TNN: variants seen among roughly 807,000 people sequenced by gnomAD.
The protein encoded by TNN is tenascin-N.
A neutral mutation model predicts 134.4 loss-of-function variants in TNN; 122 were observed. The observed-to-expected ratio is 0.91, with a 90% CI of 0.78 to 1.06. The LOEUF (loss-of-function observed/expected upper bound fraction) is 1.06, where lower values mean the gene tolerates loss of function less well. Ranked by LOEUF, TNN falls within the 50% of genes least tolerant of loss-of-function variation. The pLI is 0.00. For missense variants in TNN, 1,739 were observed against 1,699.4 expected (o/e 1.02, Z -0.41); for synonymous variants, 710 against 670.3 (o/e 1.06, Z -0.91).
intron 18 of TNN, among the ~76,000 whole-genome samples, chr1:175,145,806 C>CCTGACT (rs1676052705): frequency 6.6e-6 from 1 of 152,020 alleles, no homozygotes; most frequent in Non-Finnish European, 1.5e-5. Context: ...AGTGCATCAT[C>CCTGACT]CTGACTCTTT....
At chr1:175,122,997 C>A (rs10912890) in intron 11 of TNN, among the ~76,000 whole-genome samples, 52,585 of 152,092 alleles carry the variant, frequency 0.35, 9,707 homozygotes, top group Non-Finnish European at 0.42. Flanking sequence ...CTCCATTCTC[C>A]TCCCCTTTTA....
chr1:175,127,909 A>T, intron 13 of TNN, 123 bp from the exon 14 acceptor site: 1 of 1,210,974 alleles, frequency 8.3e-7, no homozygotes, highest in Non-Finnish European at 1.2e-6. Context: ...GGCTTCGGAG[A>T]GACAAAACAC....
intron 17 of TNN, among the ~76,000 whole-genome samples, chr1:175,143,394 A>T (rs1675984256): frequency 6.6e-6 from 1 of 152,192 alleles, no homozygotes; most frequent in Non-Finnish European, 1.5e-5. Flanking sequence ...GAAAAATATG[A>T]TAGGGAAACA....
Position 175,102,324 on chromosome 1 carries a change from G to A in TNN, c.2119+3729G>A, listed in dbSNP as rs574270446. Among the ~76,000 whole-genome samples, 14 of 146,336 alleles carry A rather than the reference G, an allele frequency of 9.6e-5. 1 individual carries two copies. Among genetic ancestry groups the A allele is most frequent in the African/African-American group, 2.9e-4 (12 of 40,718 alleles). On this transcript the variant is annotated intron_variant, in intron 9 of 18. Coordinates refer to ENST00000239462, the MANE Select transcript of TNN (RefSeq NM_022093.2). ...TGTACTCCTCAGCCCTTGGGTAGTC[G>A]ACGGGACTGGGTGCCATGGAGCAGG...
rs1197762196 is a variant in TNN at position 175,077,425 on chromosome 1, C to A, written c.7C>A (p.Leu3Ile). 3 of 1,612,548 alleles carry A rather than the reference C, an allele frequency of 1.9e-6. No homozygotes were observed. Among genetic ancestry groups the A allele is most frequent in the East Asian group, 2.2e-5 (1 of 44,860 alleles). The change falls in exon 2 of 19, where the codon CTC (leucine) becomes ATC (isoleucine). Residue 3 changes from leucine to isoleucine, a missense_variant. By Grantham distance (5) the Leu-to-Ile change is conservative. Transcript: ENST00000239462. ...GCTCCCTGTCTTTCCAAGGATGAGT[C>A]TCCAGGAGATGTTCCGCTTCCCTAT... MSLQEMFRFPMGL... is the reference protein window; with the variant it reads MSIQEMFRFPMGL...
chr1:175,104,481 T>TA (rs1371995116), intron 9 of TNN, among the ~76,000 whole-genome samples: 2 of 145,916 alleles, frequency 1.4e-5, no homozygotes, highest in African/African-American at 2.5e-5. Context: ...CAATCTTTTT[T>TA]AAAGTGTCCT....
rs1558359673 is a variant in TNN at position 175,106,046 on chromosome 1, T to C, written c.2119+7451T>C. ...ACATGGAGGACCGAGGAAGGTCGGATTTAGTGGTCCTTACTGACGCATTCT... is the reference window on the plus strand; with the variant it reads ...ACATGGAGGACCGAGGAAGGTCGGACTTAGTGGTCCTTACTGACGCATTCT... On this transcript the variant is annotated intron_variant, in intron 9 of 18. Coordinates refer to ENST00000239462, the MANE Select transcript of TNN (RefSeq NM_022093.2). 2.7e-5 allele frequency among the ~76,000 whole-genome samples: 4 copies of C among 145,494 alleles called. 1 individual carries two copies. The South Asian group carries it at 9.2e-4, about 34-fold the overall frequency.
chr1:175,141,448 T>C (rs915544191), intron 17 of TNN, among the ~76,000 whole-genome samples: 1 of 151,982 alleles, frequency 6.6e-6, no homozygotes, highest in African/African-American at 2.4e-5. Flanking sequence ...ATTTAGTGGG[T>C]TGGGACCAGG....
chr1:175,103,156 G>A (rs61827444), intron 9 of TNN, among the ~76,000 whole-genome samples: 27,304 of 145,604 alleles, frequency 0.19, 5,281 homozygotes, highest in South Asian at 0.27. Context: ...GCCCAAAGGC[G>A]AGTAACAGCA....
chr1:175,127,143 C>G, intron 13 of TNN, 58 bp downstream of exon 13: 1 of 1,581,840 alleles, frequency 6.3e-7, no homozygotes, highest in Non-Finnish European at 8.6e-7. Context: ...AAGCAACTAA[C>G]TTGGGCCAAT....
chr1:175,146,665 C>G lies in TNN; in HGVS notation c.3760-266C>G, dbSNP rs571949320. Among the ~76,000 whole-genome samples, 124 of 152,138 alleles carry G rather than the reference C, an allele frequency of 8.2e-4. 1 individual carries two copies. Among genetic ancestry groups the G allele is most frequent in the Non-Finnish European group, 1.3e-3 (86 of 68,000 alleles). ...TCACCCAGCTCCCGGGCTCACACCCCCTTGCTCCCACCATAGAGACCGCCA... is the reference window on the plus strand; with the variant it reads ...TCACCCAGCTCCCGGGCTCACACCCGCTTGCTCCCACCATAGAGACCGCCA... On this transcript the variant is annotated intron_variant, in intron 18 of 18. Transcript: ENST00000239462.
At chr1:175,081,000 A>T (rs906929168) in intron 4 of TNN, among the ~76,000 whole-genome samples, 1 of 152,218 alleles carries the variant, frequency 6.6e-6, no homozygotes, top group South Asian at 2.1e-4. Context: ...TGTAGAAAAG[A>T]GCTGCCTGGT....
intron 8 of TNN, among the ~76,000 whole-genome samples, chr1:175,097,891 G>C (rs879280116): frequency 1.3e-5 from 2 of 152,220 alleles, no homozygotes; most frequent in Admixed American, 1.3e-4. Flanking sequence ...CCCACTGAAA[G>C]AGAGAAGTAA....
chr1:175,134,516 G>A (rs1437858719), intron 15 of TNN, among the ~76,000 whole-genome samples: 3 of 149,294 alleles, frequency 2.0e-5, no homozygotes, highest in African/African-American at 7.5e-5. Flanking sequence ...CTGCACTCCA[G>A]CCTGGGCAAC....
At chr1:175,134,583 A>T (rs1459108034) in intron 15 of TNN, among the ~76,000 whole-genome samples, 1 of 151,962 alleles carries the variant, frequency 6.6e-6, no homozygotes, top group African/African-American at 2.4e-5. Flanking sequence ...AAAATAAATA[A>T]ATAACAATAA....
At chr1:175,110,523 C>T (rs1674992311) in intron 9 of TNN, among the ~76,000 whole-genome samples, 1 of 152,116 alleles carries the variant, frequency 6.6e-6, no homozygotes, top group Non-Finnish European at 1.5e-5. Context: ...TTCTTTAATC[C>T]ACTTTAATTT....
intron 6 of TNN, among the ~76,000 whole-genome samples, chr1:175,089,977 C>T (rs147424786): frequency 2.8e-4 from 43 of 152,336 alleles, no homozygotes; most frequent in African/African-American, 9.6e-4. Context: ...TACACAGCCA[C>T]CAACACACAC....
At position 175,079,623 on chromosome 1, in the gene TNN, C is replaced by T; in HGVS notation, c.700C>T (p.Pro234Ser). 6.2e-7 allele frequency: 1 copy of T among 1,603,770 alleles called. No homozygotes were observed. The highest frequency in any genetic ancestry group is 8.5e-7 in the Non-Finnish European group (1 of 1,176,424). The change falls in exon 3 of 19, where the codon CCC becomes TCC. Residue 234 changes from proline to serine, a missense_variant. Transcript: ENST00000239462. ...MSEDCSEKRC[P>S]GDCSGHGFCD... Reference sequence around the variant, plus strand: ...GGAGGACTGCAGCGAGAAGCGCTGTCCCGGCGACTGCAGCGGCCACGGCTT... The same window carrying T: ...GGAGGACTGCAGCGAGAAGCGCTGTTCCGGCGACTGCAGCGGCCACGGCTT...
intron 11 of TNN, among the ~76,000 whole-genome samples, chr1:175,119,638 CTT>C (rs869293406): frequency 1.1e-4 from 15 of 131,520 alleles, no homozygotes; most frequent in Admixed American, 1.5e-4. Flanking sequence ...CCTTTTTTTT[CTT>C]TTTTTTTTTT....
Sources: allele counts gnomAD v4.1 joint callset (sites outside exome capture counted in the v4.1 genomes callset), GRCh38; gene constraint gnomAD v4.1.1; transcripts MANE v1.5; gene names NCBI Gene and HGNC (gene_info 2026-07-23, HGNC 2026-07-21).